The following RAD51 variants were observed in gnomAD, a reference collection of about 807,000 sequenced individuals.
The protein encoded by RAD51 is RAD51 recombinase.
Under a neutral mutation model 41.5 loss-of-function variants are expected in RAD51, and 14 were observed. The ratio of observed to expected loss-of-function variants is 0.34; its 90% CI spans 0.22 to 0.53. The LOEUF is 0.53. Ranked by LOEUF, RAD51 falls within the 20% of genes least tolerant of loss-of-function variation. The pLI, the probability that RAD51 is intolerant of heterozygous loss-of-function variation, is 0.95. For synonymous variants in RAD51, 136 were observed against 148.6 expected, an observed-to-expected ratio of 0.92 and a Z score of 0.62; for missense variants, 234 against 422.0, an observed-to-expected ratio of 0.55 and a Z score of 3.90.
intron 5 of RAD51, among the ~76,000 whole-genome samples, chr15:40,713,297 T>C (rs1257350258): frequency 6.8e-6 from 1 of 146,760 alleles, no homozygotes; most frequent in Non-Finnish European, 1.5e-5. Context: ...TAGGCAGGAG[T>C]GCAGTGGCGC....
At chr15:40,697,476 C>T (rs566198264) in intron 1 of RAD51, among the ~76,000 whole-genome samples, 2 of 151,484 alleles carry the variant, frequency 1.3e-5, no homozygotes, top group South Asian at 4.2e-4. Flanking sequence ...CATCCAGTTT[C>T]AAGAAATCTT....
intron 1 of RAD51, among the ~76,000 whole-genome samples, chr15:40,696,731 T>G (rs1459696325): frequency 6.6e-6 from 1 of 151,990 alleles, no homozygotes; most frequent in Non-Finnish European, 1.5e-5. Flanking sequence ...ACATCAGGAG[T>G]GTTGAGTGTT....
At position 40,728,818 on chromosome 15, in the gene RAD51, A is replaced by T; in HGVS notation, c.638A>T (p.Glu213Val). Residue 213 changes from glutamate to valine, a missense_variant, in exon 7 of 10, where the codon GAA (glutamate) becomes GTA (valine). Physicochemically the swap from Glu to Val is moderately radical, Grantham distance 121. Transcript: ENST00000267868. ...TATCAAGCATCAGCCATGATGGTAG[A>T]ATCTAGGTATGTGTTCAGTATAAGA... ...LLYQASAMMV[E>V]SRYALLIVDS... 1 of 1,610,972 alleles carries T rather than the reference A, an allele frequency of 6.2e-7. No individual in the cohort carries two copies. Among genetic ancestry groups the T allele is most frequent in the Non-Finnish European group, 8.5e-7 (1 of 1,177,154 alleles).
chr15:40,697,953 T>C (rs532066746), intron 1 of RAD51, among the ~76,000 whole-genome samples: 1 of 152,344 alleles, frequency 6.6e-6, no homozygotes, highest in Non-Finnish European at 1.5e-5. Context: ...TTTCTCTTTG[T>C]GATGAGAACA....
chr15:40,704,817 G>A (rs769362950), intron 3 of RAD51, among the ~76,000 whole-genome samples: 3 of 149,926 alleles, frequency 2.0e-5, no homozygotes, highest in Admixed American at 1.3e-4. Context: ...CTACAGGCGC[G>A]TGCCACCACG....
At chr15:40,706,701 A>T (rs1011050362) in intron 4 of RAD51, among the ~76,000 whole-genome samples, 3 of 152,012 alleles carry the variant, frequency 2.0e-5, no homozygotes, top group African/African-American at 7.2e-5. Context: ...ACTCTGTCTC[A>T]AAAACAAAGA....
chr15:40,706,026 C>T (rs763720323), intron 3 of RAD51, 151 bp from the exon 4 acceptor site: 16 of 627,662 alleles, frequency 2.5e-5, no homozygotes, highest in Non-Finnish European at 3.7e-5. Context: ...AAAGAGAAAT[C>T]ATCCTGGTAA....
chr15:40,731,136 G>A lies in RAD51; in HGVS notation c.978G>A (p.Met326Ile), dbSNP rs374679595. 1.2e-6 allele frequency: 2 copies of A among 1,614,026 alleles called. No individual in the cohort carries two copies. Among genetic ancestry groups the A allele is most frequent in the African/African-American group, 2.7e-5 (2 of 74,914 alleles). The change falls in exon 10 of 10, where the codon ATG (methionine) becomes ATA (isoleucine). Residue 326 changes from methionine (M) to isoleucine (I), a missense_variant. Met to Ile is a conservative substitution (Grantham distance 10). Coordinates refer to ENST00000267868, the MANE Select transcript of RAD51 (RefSeq NM_002875.5). ...CCTGTCTTCCTGAAGCTGAAGCTATGTTCGCCATTAATGCAGATGGAGTGG... is the reference window on the plus strand; with the variant it reads ...CCTGTCTTCCTGAAGCTGAAGCTATATTCGCCATTAATGCAGATGGAGTGG... ...DSPCLPEAEA[M>I]FAINADGVGD...
chr15:40,724,384 G>A (rs1244526618), intron 6 of RAD51, among the ~76,000 whole-genome samples: 1 of 152,156 alleles, frequency 6.6e-6, no homozygotes, highest in East Asian at 1.9e-4. Flanking sequence ...AGATAGGATA[G>A]ATGACCTAGT....
chr15:40,709,133 A>G lies in RAD51; in HGVS notation c.435+17A>G. 1.3e-6 allele frequency: 2 copies of G among 1,589,240 alleles called. No individual in the cohort carries two copies. The highest frequency in any genetic ancestry group is 1.7e-6 in the Non-Finnish European group (2 of 1,157,446). On this transcript the variant is annotated intron_variant, in intron 5 of 9. Coordinates refer to ENST00000267868, the MANE Select transcript of RAD51 (RefSeq NM_002875.5). ...ACCTGCCAGGTGAGCTGTTGGGGCT[A>G]TAGCTAATCAAATAAGCAAGCATTA... is the stretch of plus-strand genomic sequence containing the variant.
chr15:40,701,005 A>T (rs1415519502), intron 2 of RAD51, 59 bp from the exon 3 acceptor site: 3 of 1,600,508 alleles, frequency 1.9e-6, no homozygotes, highest in Non-Finnish European at 2.6e-6. Flanking sequence ...GACACATAAC[A>T]TCTGTGTTAG....
chr15:40,727,760 G>A (rs146648508), intron 6 of RAD51, among the ~76,000 whole-genome samples: 151 of 151,872 alleles, frequency 9.9e-4, no homozygotes, highest in African/African-American at 3.6e-3. Context: ...GGTCAGGATC[G>A]TAAGGTGTAA....
intron 6 of RAD51, 54 bp downstream of exon 6, chr15:40,718,953 A>G: frequency 2.7e-6 from 4 of 1,493,066 alleles, no homozygotes; most frequent in East Asian, 2.3e-5. Flanking sequence ...CAATGTAGTG[A>G]TTGCCAGGGT....
At chr15:40,702,218 A>G (rs866728014) in intron 3 of RAD51, among the ~76,000 whole-genome samples, 11 of 152,204 alleles carry the variant, frequency 7.2e-5, no homozygotes, top group South Asian at 2.1e-4. Context: ...CCCTAACAGT[A>G]TTTTTGTTAA....
At chr15:40,729,719 G>T in intron 8 of RAD51, 85 bp downstream of exon 8, 1 of 1,609,286 alleles carries the variant, frequency 6.2e-7, no homozygotes, top group Non-Finnish European at 8.5e-7. Context: ...AGACATCAGT[G>T]CCTGAGATCA....
At chr15:40,710,169 G>A (rs1216534508) in intron 5 of RAD51, among the ~76,000 whole-genome samples, 4 of 148,916 alleles carry the variant, frequency 2.7e-5, no homozygotes, top group Non-Finnish European at 4.4e-5. Context: ...GTGAACCCGG[G>A]AGGCACAGCT....
chr15:40,725,893 G>A (rs1016907086), intron 6 of RAD51, among the ~76,000 whole-genome samples: 1 of 152,062 alleles, frequency 6.6e-6, no homozygotes, highest in African/African-American at 2.4e-5. Context: ...GGCTGAGGCA[G>A]GAGAATCACT....
chr15:40,722,472 C>T (rs1395467780), intron 6 of RAD51, among the ~76,000 whole-genome samples: 1 of 150,194 alleles, frequency 6.7e-6, no homozygotes, highest in Admixed American at 6.6e-5. Flanking sequence ...TGTGGTACTT[C>T]AAAATCAAAG....
In RAD51 at chr15:40,710,657, T is replaced by C. The variant is rs555546050; in HGVS notation, c.435+1541T>C. 4.9e-4 allele frequency among the ~76,000 whole-genome samples: 75 copies of C among 152,306 alleles called. 1 individual carries two copies. The South Asian group carries it at 0.012, about 24-fold the overall frequency. ...CAGGCATCTCATATCTCATACTTCG[T>C]CTTCTGTTATCAGAACTTTATGCTC... On this transcript the variant is annotated intron_variant, in intron 5 of 9. Coordinates refer to ENST00000267868, the MANE Select transcript of RAD51 (RefSeq NM_002875.5).
Sources: allele counts gnomAD v4.1 joint callset (sites outside exome capture counted in the v4.1 genomes callset), GRCh38; gene constraint gnomAD v4.1.1; transcripts MANE v1.5; gene names NCBI Gene and HGNC (gene_info 2026-07-23, HGNC 2026-07-21).